Variants in PIK3R3 observed in about 807,000 individuals in gnomAD.
The protein encoded by PIK3R3 is phosphatidylinositol 3-kinase regulatory subunit gamma.
A neutral mutation model predicts 62.9 loss-of-function variants in PIK3R3; 64 were observed. The observed-to-expected ratio is 1.02, with a 90% CI of 0.83 to 1.25. PIK3R3 has a LOEUF of 1.25. Among genes scored for constraint, PIK3R3 ranks in the 50% most tolerant of loss-of-function variants. PIK3R3 has a pLI of 0.00. For synonymous variants in PIK3R3, 165 were observed against 189.0 expected (o/e 0.87, Z 1.04); for missense variants, 614 against 561.6 (o/e 1.09, Z -0.94).
the PIK3R3 span, among the ~76,000 whole-genome samples, chr1:46,140,056 A>C: frequency 0.48 from 72,437 of 152,014 alleles, 17,397 homozygotes; most frequent in East Asian, 0.65. Flanking sequence ...TGGTGTGATC[A>C]TGGCCCACTG....
chr1:46,156,248 TA>T, the PIK3R3 span, among the ~76,000 whole-genome samples: 5 of 149,728 alleles, frequency 3.3e-5, no homozygotes, highest in East Asian at 5.9e-4. Context: ...ATTTCCTGTT[TA>T]AAAAAAAAAT....
the PIK3R3 span, among the ~76,000 whole-genome samples, chr1:46,173,431 G>T: frequency 6.6e-6 from 1 of 152,202 alleles, no homozygotes; most frequent in Non-Finnish European, 1.5e-5. Flanking sequence ...CACATAGCAG[G>T]CACTGTTGAC....
intron 7 of PIK3R3, among the ~76,000 whole-genome samples, 156 bp downstream of exon 7, chr1:46,055,639 C>T (rs1647813716): frequency 6.6e-6 from 1 of 152,144 alleles, no homozygotes; most frequent in African/African-American, 2.4e-5. Flanking sequence ...CTGGTACCCC[C>T]TACAACTACC....
At chr1:46,105,748 G>A (rs1455991356) in intron 1 of PIK3R3, among the ~76,000 whole-genome samples, 1 of 151,828 alleles carries the variant, frequency 6.6e-6, no homozygotes, top group Non-Finnish European at 1.5e-5. Context: ...TTGAACCCCG[G>A]GGCTGGGGTG....
At chr1:46,172,222 C>T in the PIK3R3 span, among the ~76,000 whole-genome samples, 1 of 152,194 alleles carries the variant, frequency 6.6e-6, no homozygotes, top group Non-Finnish European at 1.5e-5. Flanking sequence ...GCTCCCCAGG[C>T]ACTGTGAGGT....
chr1:46,091,483 T>TACACACACACACACACATAC (rs111759714), intron 1 of PIK3R3, among the ~76,000 whole-genome samples: 2 of 149,626 alleles, frequency 1.3e-5, no homozygotes, highest in Non-Finnish European at 3.0e-5. Flanking sequence ...CACACACACA[T>TACACACACACACACACATAC]ACACACACAC....
chr1:46,129,194 A>G (rs1655354865), intron 1 of PIK3R3, among the ~76,000 whole-genome samples: 2 of 152,166 alleles, frequency 1.3e-5, no homozygotes, highest in South Asian at 4.1e-4. Flanking sequence ...TGGGTCCTAA[A>G]AACACATACA....
chr1:46,089,237 CT>C (rs1651375824), intron 1 of PIK3R3, among the ~76,000 whole-genome samples: 1 of 152,046 alleles, frequency 6.6e-6, no homozygotes, highest in Non-Finnish European at 1.5e-5. Context: ...GAATGCAGTA[CT>C]AGGATGACAG....
At chr1:46,143,288 T>C in the PIK3R3 span, among the ~76,000 whole-genome samples, 2 of 152,324 alleles carry the variant, frequency 1.3e-5, no homozygotes, top group East Asian at 3.9e-4. Context: ...GGCTGGTCAG[T>C]CAATTGCTCC....
intron 1 of PIK3R3, among the ~76,000 whole-genome samples, chr1:46,116,677 T>C (rs1053603352): frequency 1.3e-5 from 2 of 151,736 alleles, no homozygotes; most frequent in Admixed American, 1.3e-4. Context: ...AAAAAAAATT[T>C]TGTTTTAAAT....
the PIK3R3 span, among the ~76,000 whole-genome samples, chr1:46,145,215 G>T: frequency 6.6e-6 from 1 of 151,960 alleles, no homozygotes; most frequent in Non-Finnish European, 1.5e-5. Flanking sequence ...ATGGGAGGGA[G>T]AGAACTGACC....
the PIK3R3 span, among the ~76,000 whole-genome samples, chr1:46,146,954 A>ACCTATAGTAG: frequency 6.6e-6 from 1 of 152,092 alleles, no homozygotes; most frequent in African/African-American, 2.4e-5. Context: ...ACCCTCACGG[A>ACCTATAGTAG]CCTATAGTAG....
chr1:46,129,531 C>T (rs554176698), intron 1 of PIK3R3, among the ~76,000 whole-genome samples: 4 of 152,074 alleles, frequency 2.6e-5, no homozygotes, highest in African/African-American at 9.6e-5. Flanking sequence ...ATACTCTTAA[C>T]ATTACCGTGG....
intron 7 of PIK3R3, among the ~76,000 whole-genome samples, chr1:46,051,543 G>A (rs1344273832): frequency 6.6e-6 from 1 of 152,064 alleles, no homozygotes; most frequent in African/African-American, 2.4e-5. Context: ...TTACAGGTGT[G>A]AGCCACTGCA....
At chr1:46,165,751 C>CTTTTTTTTTTTTTTTTTTTT in the PIK3R3 span, among the ~76,000 whole-genome samples, 4 of 39,540 alleles carry the variant, frequency 1.0e-4, 2 homozygotes, top group Non-Finnish European at 1.8e-4. Flanking sequence ...CTGCTTTGTC[C>CTTTTTTTTTTTTTTTTTTTT]TTTTTTTTTT....
At chr1:46,100,581 A>C (rs1341169986) in intron 1 of PIK3R3, among the ~76,000 whole-genome samples, 1 of 151,960 alleles carries the variant, frequency 6.6e-6, no homozygotes, top group East Asian at 1.9e-4. Flanking sequence ...CTCCTTCCTA[A>C]TTTTTCTTGA....
the PIK3R3 span, among the ~76,000 whole-genome samples, chr1:46,165,374 C>T: frequency 2.1e-5 from 3 of 144,950 alleles, no homozygotes; most frequent in East Asian, 6.1e-4. Context: ...GGTGTGATCT[C>T]GGCTCACCAC....
intron 1 of PIK3R3, among the ~76,000 whole-genome samples, chr1:46,105,690 G>A (rs1021496446): frequency 3.3e-5 from 5 of 151,480 alleles, no homozygotes; most frequent in Admixed American, 1.3e-4. Context: ...GTGTGGTCAC[G>A]GGTACCTACA....
rs1245553636 is a variant in PIK3R3, at chr1:46,046,053, G to T, written c.1052C>A (p.Pro351His). ...AAACCAGGTTTTCTCATCATAATGG[G>T]GCAGGTTTTCATCTTCCTCATTGAT... ...YFINEEDENL[P>H]HYDEKTWFVE... is the part of the protein sequence containing the mutation. Residue 351 changes from proline to histidine, a missense_variant, in exon 9 of 10, where the codon CCC becomes CAC. Transcript: ENST00000262741. 1.2e-6 allele frequency: 2 copies of T among 1,607,330 alleles called. No individual in the cohort carries two copies. Among genetic ancestry groups the T allele is most frequent in the African/African-American group, 2.7e-5 (2 of 74,558 alleles).
Sources: allele counts gnomAD v4.1 joint callset (sites outside exome capture counted in the v4.1 genomes callset), GRCh38; gene constraint gnomAD v4.1.1; transcripts MANE v1.5; gene names NCBI Gene and HGNC (gene_info 2026-07-23, HGNC 2026-07-21).